QTMAN: variants seen among roughly 807,000 people sequenced by gnomAD.
QTMAN encodes the protein queuosine-tRNA mannosyltransferase, also known as tRNA-queuosine alpha-mannosyltransferase.
the QTMAN span, chr2:144,007,619 G>C: frequency 2.5e-6 from 2 of 811,892 alleles, no homozygotes; most frequent in Non-Finnish European, 3.7e-6. Flanking sequence ...AGTACATAAT[G>C]ATTATATATA....
chr2:144,048,616 T>A, the QTMAN span, among the ~76,000 whole-genome samples: 1 of 152,156 alleles, frequency 6.6e-6, no homozygotes, highest in African/African-American at 2.4e-5. Context: ...CATGCTCCTA[T>A]AAAATAAACC....
the QTMAN span, among the ~76,000 whole-genome samples, chr2:144,274,302 T>C: frequency 1.3e-4 from 20 of 152,200 alleles, no homozygotes; most frequent in Non-Finnish European, 2.8e-4. Flanking sequence ...TCCTGAGTGA[T>C]AGGAGAATCT....
chr2:144,242,544 G>A, the QTMAN span, among the ~76,000 whole-genome samples: 1 of 152,200 alleles, frequency 6.6e-6, no homozygotes, highest in Non-Finnish European at 1.5e-5. Context: ...AATGTTTTAT[G>A]CAACATTAAC....
chr2:144,086,472 A>T, the QTMAN span, among the ~76,000 whole-genome samples: 1 of 152,148 alleles, frequency 6.6e-6, no homozygotes, highest in Non-Finnish European at 1.5e-5. Context: ...CTTCATTCAA[A>T]TTCTCACAAT....
the QTMAN span, among the ~76,000 whole-genome samples, chr2:143,948,850 A>G: frequency 6.6e-6 from 1 of 152,042 alleles, no homozygotes; most frequent in Non-Finnish European, 1.5e-5. Context: ...CTTGTGTTCA[A>G]GTTAGGCTTA....
At chr2:144,199,773 T>C in the QTMAN span, among the ~76,000 whole-genome samples, 1 of 152,204 alleles carries the variant, frequency 6.6e-6, no homozygotes, top group African/African-American at 2.4e-5. Context: ...AATCTTGATC[T>C]TGATGTTAAT....
At chr2:144,094,124 C>A in the QTMAN span, among the ~76,000 whole-genome samples, 1 of 152,114 alleles carries the variant, frequency 6.6e-6, no homozygotes, top group Admixed American at 6.6e-5. Context: ...ATCAATTATA[C>A]AATAAACTGC....
At chr2:143,984,798 G>T in the QTMAN span, among the ~76,000 whole-genome samples, 1 of 152,162 alleles carries the variant, frequency 6.6e-6, no homozygotes, top group Non-Finnish European at 1.5e-5. Context: ...GGGGATGGCT[G>T]AGCTCCAGGG....
chr2:143,946,852 A>T, the QTMAN span: 3 of 558,264 alleles, frequency 5.4e-6, no homozygotes, highest in Non-Finnish European at 6.4e-6. Flanking sequence ...ATTTAATTTG[A>T]GTTGGGGTGG....
At chr2:144,121,086 C>A in the QTMAN span, among the ~76,000 whole-genome samples, 1 of 152,060 alleles carries the variant, frequency 6.6e-6, no homozygotes, top group Non-Finnish European at 1.5e-5. Context: ...CCTATCAAGG[C>A]CAATGGGGAT....
the QTMAN span, among the ~76,000 whole-genome samples, chr2:144,292,860 CTT>C: frequency 6.6e-6 from 1 of 152,120 alleles, no homozygotes; most frequent in East Asian, 1.9e-4. Flanking sequence ...AACCTTGTCA[CTT>C]TATTTCATTT....
the QTMAN span, among the ~76,000 whole-genome samples, chr2:144,152,394 A>G: frequency 6.6e-6 from 1 of 152,224 alleles, no homozygotes; most frequent in Admixed American, 6.5e-5. Context: ...TAAAGGTGTC[A>G]CTTAAATTCA....
the QTMAN span, chr2:144,177,254 A>T: frequency 1.6e-6 from 1 of 630,144 alleles, no homozygotes; most frequent in African/African-American, 1.9e-5. Context: ...GATCCCAATA[A>T]AAAAAAAAAA....
the QTMAN span, among the ~76,000 whole-genome samples, chr2:143,979,437 G>A: frequency 2.6e-4 from 39 of 152,190 alleles, no homozygotes; most frequent in Non-Finnish European, 4.9e-4. Context: ...AACAAAATGC[G>A]TGTCCATTGT....
the QTMAN span, among the ~76,000 whole-genome samples, chr2:144,135,392 A>G: frequency 6.6e-6 from 1 of 152,178 alleles, no homozygotes; most frequent in African/African-American, 2.4e-5. Context: ...TAAATGAGAC[A>G]TAACTTCAGA....
the QTMAN span, among the ~76,000 whole-genome samples, chr2:143,976,962 C>T: frequency 6.6e-6 from 1 of 152,268 alleles, no homozygotes; most frequent in Admixed American, 6.5e-5. Context: ...CCAGCAGATA[C>T]ATTATATAAC....
At chr2:144,258,654 T>A in the QTMAN span, among the ~76,000 whole-genome samples, 1 of 152,056 alleles carries the variant, frequency 6.6e-6, no homozygotes, top group South Asian at 2.1e-4. Flanking sequence ...ATCCATAAGC[T>A]CTTCTTAAGA....
the QTMAN span, among the ~76,000 whole-genome samples, chr2:144,144,122 C>T: frequency 6.6e-6 from 1 of 151,854 alleles, no homozygotes; most frequent in Non-Finnish European, 1.5e-5. Context: ...AAATCATGTA[C>T]AAAACTTTTA....
chr2:144,182,840 T>TTATATATATAATA, the QTMAN span, among the ~76,000 whole-genome samples: 4 of 64,524 alleles, frequency 6.2e-5, no homozygotes, highest in African/African-American at 1.3e-4. Flanking sequence ...TATATATATA[T>TTATATATATAATA]TATATATATA....
Sources: allele counts gnomAD v4.1 joint callset (sites outside exome capture counted in the v4.1 genomes callset), GRCh38; gene constraint gnomAD v4.1.1; transcripts MANE v1.5; gene names NCBI Gene and HGNC (gene_info 2026-07-23, HGNC 2026-07-21).